GRIK2: variants seen among roughly 807,000 people sequenced by gnomAD.
GRIK2 encodes the protein glutamate ionotropic receptor kainate type subunit 2, also known as glutamate receptor ionotropic, kainate 2.
Under a neutral mutation model 100.3 loss-of-function variants are expected in GRIK2, and 32 were observed. That is an observed-to-expected ratio of 0.32 (90% CI 0.24 to 0.43). The LOEUF is 0.43. Ranked by LOEUF, GRIK2 falls within the 20% of genes least tolerant of loss-of-function variation. GRIK2 has a pLI of 1.00. For missense variants in GRIK2, 843 were observed against 1,114.9 expected, an observed-to-expected ratio of 0.76 and a Z score of 3.47; for synonymous variants, 417 against 389.4, an observed-to-expected ratio of 1.07 and a Z score of -0.83.
intron 4 of GRIK2, among the ~76,000 whole-genome samples, chr6:101,643,190 T>C (rs1446196071): frequency 6.6e-6 from 1 of 151,608 alleles, no homozygotes; most frequent in Non-Finnish European, 1.5e-5. Flanking sequence ...TTTCACGTTG[T>C]TGGTTGTGTC....
At chr6:101,654,946 G>A (rs1366047918) in intron 4 of GRIK2, among the ~76,000 whole-genome samples, 1 of 152,146 alleles carries the variant, frequency 6.6e-6, no homozygotes, top group Non-Finnish European at 1.5e-5. Context: ...CAGGAAGTTT[G>A]CAGATGACAT....
chr6:101,968,552 G>GCACT (rs1464704417), intron 14 of GRIK2, among the ~76,000 whole-genome samples: 1 of 151,882 alleles, frequency 6.6e-6, no homozygotes, highest in Non-Finnish European at 1.5e-5. Context: ...GTAATATCCA[G>GCACT]CACTCTACAA....
intron 2 of GRIK2, among the ~76,000 whole-genome samples, chr6:101,524,297 C>A (rs1775035214): frequency 6.6e-6 from 1 of 152,006 alleles, no homozygotes; most frequent in Non-Finnish European, 1.5e-5. Context: ...CCACTTTTGC[C>A]TAAAACCACT....
intron 2 of GRIK2, among the ~76,000 whole-genome samples, chr6:101,469,862 C>G (rs1324939436): frequency 2.0e-5 from 3 of 152,172 alleles, no homozygotes; most frequent in African/African-American, 7.2e-5. Context: ...AAATAGTCCT[C>G]TTTCTTTCTC....
intron 2 of GRIK2, among the ~76,000 whole-genome samples, chr6:101,436,863 A>T (rs187620897): frequency 1.9e-4 from 29 of 151,224 alleles, no homozygotes; most frequent in Middle Eastern, 3.4e-3. Context: ...TTAAATATGT[A>T]TACTTAAAAG....
intron 14 of GRIK2, among the ~76,000 whole-genome samples, chr6:101,931,460 TAC>T (rs1048354750): frequency 1.3e-5 from 2 of 152,148 alleles, no homozygotes; most frequent in Admixed American, 6.6e-5. Context: ...TAAAAAACGA[TAC>T]AGTTTTGTTA....
chr6:101,922,275 C>G (rs1054490417), intron 12 of GRIK2, among the ~76,000 whole-genome samples: 1 of 152,062 alleles, frequency 6.6e-6, no homozygotes, highest in African/African-American at 2.4e-5. Flanking sequence ...AACCACGTCT[C>G]ATTCCTCTCA....
intron 2 of GRIK2, among the ~76,000 whole-genome samples, chr6:101,505,227 T>C (rs1301617325): frequency 6.6e-6 from 1 of 152,166 alleles, no homozygotes; most frequent in East Asian, 1.9e-4. Flanking sequence ...TTTTCAGTTA[T>C]TCTGCTTTCA....
At chr6:101,715,792 C>T (rs76196339) in intron 7 of GRIK2, among the ~76,000 whole-genome samples, 1 of 151,782 alleles carries the variant, frequency 6.6e-6, no homozygotes, top group Admixed American at 6.6e-5. Context: ...AGCAAGAGAA[C>T]CCTGATATTT....
At chr6:101,557,712 A>T (rs1776813367) in intron 2 of GRIK2, among the ~76,000 whole-genome samples, 1 of 152,168 alleles carries the variant, frequency 6.6e-6, no homozygotes, top group Non-Finnish European at 1.5e-5. Context: ...CTATGACAGA[A>T]AATTTCTACT....
In GRIK2 at chr6:101,955,956, CT is replaced by C. The variant is rs929231341; in HGVS notation, c.2085+27329del. Among the ~76,000 whole-genome samples, 82 of 151,926 alleles carry C rather than the reference CT, an allele frequency of 5.4e-4. 1 individual carries two copies. Among genetic ancestry groups the C allele is most frequent in the African/African-American group, 2.0e-3 (82 of 41,460 alleles). On this transcript the variant is annotated intron_variant, in intron 14 of 16. Transcript: ENST00000369134. Reference sequence around the variant, plus strand: ...CTTTATTCGAGTGTACTTTGCTCTTCTTTTTCCACTGCTTTATGTTGAAGGT... The same window carrying C: ...CTTTATTCGAGTGTACTTTGCTCTTCTTTTCCACTGCTTTATGTTGAAGGT...
chr6:101,665,265 A>G (rs1769937198), intron 4 of GRIK2, among the ~76,000 whole-genome samples: 1 of 152,144 alleles, frequency 6.6e-6, no homozygotes, highest in Non-Finnish European at 1.5e-5. Context: ...TCCCCCATCC[A>G]GAACCTGAAA....
At chr6:101,499,219 G>A (rs1773620737) in intron 2 of GRIK2, among the ~76,000 whole-genome samples, 1 of 152,078 alleles carries the variant, frequency 6.6e-6, no homozygotes, top group African/African-American at 2.4e-5. Context: ...AAAAGACTTT[G>A]ATATGTGATG....
chr6:101,885,892 T>C (rs1405347119), intron 11 of GRIK2, among the ~76,000 whole-genome samples: 2 of 152,152 alleles, frequency 1.3e-5, no homozygotes, highest in African/African-American at 4.8e-5. Flanking sequence ...TTGTTACAGT[T>C]GATGATTTAT....
intron 14 of GRIK2, among the ~76,000 whole-genome samples, chr6:101,990,072 T>C (rs1361284948): frequency 6.6e-6 from 1 of 151,620 alleles, no homozygotes; most frequent in East Asian, 1.9e-4. Flanking sequence ...GAATATTACA[T>C]TGAGTAATTG....
intron 14 of GRIK2, among the ~76,000 whole-genome samples, chr6:101,946,739 A>C (rs1791303084): frequency 6.6e-6 from 1 of 152,118 alleles, no homozygotes; most frequent in African/African-American, 2.4e-5. Flanking sequence ...CTACTGCTCA[A>C]AGGACTGGAG....
At chr6:101,795,088 A>G (rs1464871848) in intron 7 of GRIK2, among the ~76,000 whole-genome samples, 1 of 152,106 alleles carries the variant, frequency 6.6e-6, no homozygotes, top group Non-Finnish European at 1.5e-5. Context: ...GCTGGCCTCA[A>G]ACTCCTGACT....
At chr6:101,833,407 G>T (rs868865092) in intron 10 of GRIK2, among the ~76,000 whole-genome samples, 1 of 151,276 alleles carries the variant, frequency 6.6e-6, no homozygotes, top group Non-Finnish European at 1.5e-5. Context: ...ATTTTTTTTT[G>T]TATTTGTAGT....
At chr6:101,536,141 G>A (rs1194740615) in intron 2 of GRIK2, among the ~76,000 whole-genome samples, 1 of 151,482 alleles carries the variant, frequency 6.6e-6, no homozygotes, top group Non-Finnish European at 1.5e-5. Flanking sequence ...AAGTTTTTTT[G>A]TGTATGTGTG....
Sources: allele counts gnomAD v4.1 joint callset (sites outside exome capture counted in the v4.1 genomes callset), GRCh38; gene constraint gnomAD v4.1.1; transcripts MANE v1.5; gene names NCBI Gene and HGNC (gene_info 2026-07-23, HGNC 2026-07-21).